DLG2: variants seen among roughly 807,000 people sequenced by gnomAD.
DLG2 encodes the protein disks large homolog 2.
In DLG2, 45 loss-of-function variants were observed where a neutral mutation model predicts 132.5. The observed-to-expected ratio is 0.34, with a 90% CI of 0.27 to 0.44. The LOEUF is 0.44. Among genes scored for constraint, DLG2 ranks in the 20% least tolerant of loss-of-function variants. DLG2 has a pLI of 1.00. For missense variants in DLG2, 1,045 were observed against 1,196.9 expected (o/e 0.87, Z 1.87); for synonymous variants, 424 against 419.6 (o/e 1.01, Z -0.13).
At chr11:85,226,253 T>C (rs1224552719) in intron 4 of DLG2, among the ~76,000 whole-genome samples, 2 of 151,006 alleles carry the variant, frequency 1.3e-5, no homozygotes, top group African/African-American at 4.9e-5. Flanking sequence ...TGTGGGTGGA[T>C]GGATGGATGG....
chr11:85,273,308 T>C (rs1336996034), intron 4 of DLG2, among the ~76,000 whole-genome samples: 2 of 151,892 alleles, frequency 1.3e-5, no homozygotes, highest in African/African-American at 4.8e-5. Flanking sequence ...ACCATCAGAG[T>C]GAACAGGCAA....
chr11:83,606,688 G>A (rs1001513604), intron 19 of DLG2, among the ~76,000 whole-genome samples: 12 of 151,970 alleles, frequency 7.9e-5, no homozygotes, highest in East Asian at 1.9e-4. Context: ...AGCACTTTGG[G>A]AGGCTGAGGC....
chr11:84,626,642 T>G (rs935454963), intron 6 of DLG2, among the ~76,000 whole-genome samples: 8 of 152,096 alleles, frequency 5.3e-5, no homozygotes, highest in African/African-American at 1.9e-4. Context: ...GCACTGCTTA[T>G]AAAATCAGCA....
intron 3 of DLG2, among the ~76,000 whole-genome samples, chr11:85,589,556 T>C (rs2079180780): frequency 6.6e-6 from 1 of 151,958 alleles, no homozygotes; most frequent in South Asian, 2.1e-4. Context: ...TGTGGGGGTG[T>C]GGGAGGGGTG....
intron 7 of DLG2, among the ~76,000 whole-genome samples, chr11:84,349,873 T>C (rs1049624212): frequency 1.3e-5 from 2 of 151,964 alleles, no homozygotes; most frequent in African/African-American, 4.8e-5. Context: ...ATCTTTATTC[T>C]GGCTTTAAAA....
At chr11:84,061,156 C>T (rs1408048197) in intron 10 of DLG2, among the ~76,000 whole-genome samples, 1 of 152,144 alleles carries the variant, frequency 6.6e-6, no homozygotes, top group Non-Finnish European at 1.5e-5. Context: ...TTGGGCCCTC[C>T]ATTTCCTAAG....
chr11:83,661,780 C>T (rs1291299820), intron 18 of DLG2, among the ~76,000 whole-genome samples: 1 of 152,162 alleles, frequency 6.6e-6, no homozygotes, highest in Non-Finnish European at 1.5e-5. Flanking sequence ...AAATCCGCTA[C>T]ACCTTACACT....
rs1312355547 is a variant in DLG2, at chr11:84,844,127, GTGTGTGTGTATATA to G, written c.357+267520_357+267533del. On this transcript the variant is annotated intron_variant, in intron 6 of 27. Transcript: ENST00000376104. ...TGTTTGTGTGTGTGTGTGTGTGTGT[GTGTGTGTGTATATA>G]TATATATATATATATATATATATAT... 1.6e-3 allele frequency among the ~76,000 whole-genome samples: 41 copies of G among 25,988 alleles called. 1 individual carries two copies. Among genetic ancestry groups the G allele is most frequent in the Non-Finnish European group, 2.0e-3 (21 of 10,354 alleles). The allele number at this position is 25,988 out of a possible 152,430, so 17.0% of individuals were successfully genotyped here.
At chr11:83,800,931 C>G (rs1215738909) in intron 17 of DLG2, among the ~76,000 whole-genome samples, 1 of 152,172 alleles carries the variant, frequency 6.6e-6, no homozygotes, top group Non-Finnish European at 1.5e-5. Flanking sequence ...TCTCCAAGCT[C>G]TGATTTTTAC....
chr11:83,532,971 T>C (rs1295122825), intron 20 of DLG2, among the ~76,000 whole-genome samples, 188 bp from the exon 21 acceptor site: 3 of 152,202 alleles, frequency 2.0e-5, no homozygotes, highest in Non-Finnish European at 4.4e-5. Flanking sequence ...AACATGTCCC[T>C]TGAAATTACT....
chr11:84,372,410 C>T (rs2098710144), intron 7 of DLG2, among the ~76,000 whole-genome samples: 1 of 152,148 alleles, frequency 6.6e-6, no homozygotes. Context: ...TTTGCCATCA[C>T]ACGAAATTTG....
chr11:83,600,914 C>T (rs539853204), intron 19 of DLG2, among the ~76,000 whole-genome samples: 5 of 152,220 alleles, frequency 3.3e-5, no homozygotes, highest in South Asian at 2.1e-4. Flanking sequence ...GGAAGAATGC[C>T]GAGTGCAATG....
intron 7 of DLG2, among the ~76,000 whole-genome samples, chr11:84,405,578 A>G (rs1008444606): frequency 3.3e-5 from 5 of 152,222 alleles, no homozygotes; most frequent in African/African-American, 1.2e-4. Flanking sequence ...AGAAATGTTC[A>G]AAGTGCAAGG....
chr11:85,488,565 G>A (rs2093484577), intron 3 of DLG2, among the ~76,000 whole-genome samples: 1 of 152,132 alleles, frequency 6.6e-6, no homozygotes, highest in African/African-American at 2.4e-5. Flanking sequence ...CCAATACACT[G>A]TCTAAATTCA....
At chr11:85,507,071 T>A (rs562210484) in intron 3 of DLG2, among the ~76,000 whole-genome samples, 3 of 152,224 alleles carry the variant, frequency 2.0e-5, no homozygotes, top group Non-Finnish European at 4.4e-5. Flanking sequence ...TGGTAGATCT[T>A]CCTGCATCCC....
At chr11:84,975,683 T>G (rs2154116898) in intron 6 of DLG2, among the ~76,000 whole-genome samples, 1 of 152,308 alleles carries the variant, frequency 6.6e-6, no homozygotes, top group South Asian at 2.1e-4. Context: ...TGCTACTCCC[T>G]ATTAAGAAGA....
At position 84,715,352 on chromosome 11, in the gene DLG2, G is replaced by A. The variant is rs986265721; in HGVS notation, c.358-180621C>T. On this transcript the variant is annotated intron_variant, in intron 6 of 27. Transcript: ENST00000376104. ...AAACTAATTAACATACCCATTATCT[G>A]TGTTACACTCTGTGTGTGTGTATGT... 2.0e-5 allele frequency among the ~76,000 whole-genome samples: 3 copies of A among 152,174 alleles called. No individual in the cohort carries two copies. The East Asian group carries it at 5.8e-4, about 29-fold the overall frequency.
At chr11:84,287,340 C>T (rs1020461189) in intron 7 of DLG2, among the ~76,000 whole-genome samples, 2 of 152,148 alleles carry the variant, frequency 1.3e-5, no homozygotes, top group Non-Finnish European at 2.9e-5. Context: ...ATCCATTTTA[C>T]AGATATGAAA....
chr11:83,929,203 C>G (rs2079647731), intron 15 of DLG2, among the ~76,000 whole-genome samples: 1 of 152,114 alleles, frequency 6.6e-6, no homozygotes, highest in African/African-American at 2.4e-5. Context: ...TAATTGACTT[C>G]CAAACTTATT....
Sources: allele counts gnomAD v4.1 joint callset (sites outside exome capture counted in the v4.1 genomes callset), GRCh38; gene constraint gnomAD v4.1.1; transcripts MANE v1.5; gene names NCBI Gene and HGNC (gene_info 2026-07-23, HGNC 2026-07-21).